RAI14: variants seen among roughly 807,000 people sequenced by gnomAD.
RAI14 encodes the protein retinoic acid induced 14, also known as ankycorbin.
In RAI14, 45 loss-of-function variants were observed where a neutral mutation model predicts 115.4. That is an observed-to-expected ratio of 0.39 (90% CI 0.31 to 0.50). The LOEUF (loss-of-function observed/expected upper bound fraction) is 0.50, where lower values mean the gene tolerates loss of function less well. Among genes scored for constraint, RAI14 ranks in the 20% least tolerant of loss-of-function variants. The probability of loss-of-function intolerance (pLI) is 0.85; values close to 1 mark genes in which losing one functional copy is unlikely to be tolerated. For missense variants in RAI14, 939 were observed against 1,131.2 expected, an observed-to-expected ratio of 0.83 and a Z score of 2.44; for synonymous variants, 371 against 415.4, an observed-to-expected ratio of 0.89 and a Z score of 1.30.
intron 1 of RAI14, among the ~76,000 whole-genome samples, chr5:34,685,485 C>T (rs1744766765): frequency 6.6e-6 from 1 of 151,702 alleles, no homozygotes; most frequent in African/African-American, 2.4e-5. Flanking sequence ...TAAAAGACAA[C>T]ATATTGGTTG....
chr5:34,807,400 G>A (rs1435859620), intron 5 of RAI14, among the ~76,000 whole-genome samples: 1 of 152,154 alleles, frequency 6.6e-6, no homozygotes, highest in Non-Finnish European at 1.5e-5. Flanking sequence ...CAGTGGTTTT[G>A]GGAGTGAATG....
At chr5:34,682,610 C>T (rs925050287) in intron 1 of RAI14, among the ~76,000 whole-genome samples, 1 of 152,108 alleles carries the variant, frequency 6.6e-6, no homozygotes, top group South Asian at 2.1e-4. Flanking sequence ...ACGTAACATC[C>T]ATTCTGTGAT....
intron 2 of RAI14, among the ~76,000 whole-genome samples, chr5:34,691,178 A>G (rs1335868558): frequency 6.6e-6 from 1 of 152,166 alleles, no homozygotes; most frequent in African/African-American, 2.4e-5. Context: ...AAGGTCAATC[A>G]GGGGAGACAG....
Position 34,762,836 on chromosome 5 carries a change from C to T in RAI14, c.167+5238C>T, listed in dbSNP as rs556406416. ...ATTAAAGTTATGTGTGTTTGTCTTA[C>T]GAACAACCAGACTAAATAAAATCAC... On this transcript the variant is annotated intron_variant, in intron 3 of 17. Coordinates refer to ENST00000265109, the MANE Select transcript of RAI14 (RefSeq NM_015577.3). Among the ~76,000 whole-genome samples the T allele has an allele frequency of 4.6e-5, 7 of 152,056 alleles. No homozygotes were observed. The East Asian group carries it at 9.7e-4, about 21-fold the overall frequency.
intron 5 of RAI14, among the ~76,000 whole-genome samples, chr5:34,807,461 T>C (rs1755053223): frequency 6.6e-6 from 1 of 151,752 alleles, no homozygotes; most frequent in African/African-American, 2.4e-5. Flanking sequence ...AGAAAGCTGG[T>C]TTCGTGAAGG....
intron 3 of RAI14, among the ~76,000 whole-genome samples, chr5:34,779,907 T>C (rs1275097255): frequency 2.6e-5 from 4 of 152,122 alleles, no homozygotes; most frequent in Non-Finnish European, 5.9e-5. Context: ...GAGCCTGCAT[T>C]GCCAAGTCAA....
Position 34,785,084 on chromosome 5 carries a change from CA to C in RAI14, c.168-10854del, listed in dbSNP as rs1580252335. Among the ~76,000 whole-genome samples the C allele has an allele frequency of 2.0e-5, 3 of 152,162 alleles. No homozygotes were observed. The East Asian group carries it at 5.8e-4, about 29-fold the overall frequency. ...CTTAATAACAAAGACTGGAGAATTT[CA>C]GGGGGAAAATGTTGGAGCTATGTGT... On this transcript the variant is annotated intron_variant, in intron 3 of 17. Coordinates refer to ENST00000265109, the MANE Select transcript of RAI14 (RefSeq NM_015577.3).
intron 2 of RAI14, among the ~76,000 whole-genome samples, chr5:34,723,946 G>A (rs1743128800): frequency 6.6e-6 from 1 of 152,106 alleles, no homozygotes; most frequent in East Asian, 1.9e-4. Flanking sequence ...TTGCCTTGGT[G>A]TGACTTTTTG....
intron 3 of RAI14, among the ~76,000 whole-genome samples, chr5:34,768,173 G>A (rs1465415543): frequency 6.8e-6 from 1 of 146,698 alleles, no homozygotes; most frequent in African/African-American, 2.5e-5. Flanking sequence ...GCATCAGTGT[G>A]ACTTGGATGT....
At chr5:34,774,595 T>C (rs972654668) in intron 3 of RAI14, among the ~76,000 whole-genome samples, 2 of 151,932 alleles carry the variant, frequency 1.3e-5, no homozygotes, top group Non-Finnish European at 2.9e-5. Context: ...TATAAAACAT[T>C]GATTAAAGAA....
chr5:34,656,424 C>A lies in RAI14; in HGVS notation c.-100C>A, dbSNP rs1047920052. ...CGCGTTTTCCTGGGGAAGCGGCGGG[C>A]GGGGTGGAGCAGCCAGCTGGGTCCG... On this transcript the variant is annotated 5_prime_UTR_variant, in exon 1 of 18. Transcript: ENST00000265109. 1.3e-5 allele frequency: 2 copies of A among 152,152 alleles called. No homozygotes were observed. The highest frequency in any genetic ancestry group is 6.5e-5 in the Admixed American group (1 of 15,272). 9.4% of individuals were successfully genotyped at this position (152,152 alleles called of 1,614,324 possible). A position where few individuals can be genotyped will look rare whatever the true frequency, so the allele number is the denominator to read the frequency against.
chr5:34,753,469 G>T (rs749319357), intron 2 of RAI14, among the ~76,000 whole-genome samples: 6 of 152,060 alleles, frequency 3.9e-5, no homozygotes, highest in Non-Finnish European at 5.9e-5. Flanking sequence ...TTGGCTATGG[G>T]AATTTTGGTA....
intron 2 of RAI14, among the ~76,000 whole-genome samples, chr5:34,691,201 C>T (rs182855592): frequency 2.7e-4 from 41 of 152,074 alleles, no homozygotes; most frequent in Admixed American, 2.6e-3. Context: ...TGCAGCACAG[C>T]GGGTTAACTC....
chr5:34,790,185 T>C (rs1300054048), intron 3 of RAI14, among the ~76,000 whole-genome samples: 1 of 152,204 alleles, frequency 6.6e-6, no homozygotes, highest in East Asian at 1.9e-4. Context: ...GGTGGGGGAA[T>C]GAGACAAAAG....
At chr5:34,739,995 G>A (rs1745305887) in intron 2 of RAI14, among the ~76,000 whole-genome samples, 1 of 152,168 alleles carries the variant, frequency 6.6e-6, no homozygotes, top group Non-Finnish European at 1.5e-5. Flanking sequence ...AGAGGTTGCA[G>A]TGAGCTGAGG....
At chr5:34,763,410 T>C (rs1290475845) in intron 3 of RAI14, among the ~76,000 whole-genome samples, 3 of 152,238 alleles carry the variant, frequency 2.0e-5, no homozygotes, top group Non-Finnish European at 4.4e-5. Context: ...CTGAAGAATG[T>C]AATTGCTATA....
intron 2 of RAI14, among the ~76,000 whole-genome samples, chr5:34,709,570 T>C (rs1017724565): frequency 6.6e-6 from 1 of 152,250 alleles, no homozygotes; most frequent in African/African-American, 2.4e-5. Flanking sequence ...CCCCTCTCTG[T>C]TGACATTTGG....
intron 3 of RAI14, among the ~76,000 whole-genome samples, chr5:34,785,264 C>T (rs1189622712): frequency 6.6e-6 from 1 of 152,088 alleles, no homozygotes; most frequent in African/African-American, 2.4e-5. Context: ...AAATGATATC[C>T]TAAACCTTGG....
Position 34,678,188 on chromosome 5 carries a change from C to T in RAI14, c.-48-8684C>T, listed in dbSNP as rs144731984. On this transcript the variant is annotated intron_variant, in intron 1 of 17. Transcript: ENST00000265109. ...TCTTGGCTCACCGCAACCTCCACTT[C>T]CCAGGTTTAAGCAATCCTCATGCCT... is the stretch of plus-strand genomic sequence containing the variant. Among the ~76,000 whole-genome samples, 288 of 152,100 alleles carry T rather than the reference C, an allele frequency of 1.9e-3. 1 individual carries two copies. Among genetic ancestry groups the T allele is most frequent in the African/African-American group, 6.6e-3 (272 of 41,514 alleles).
Sources: gnomAD v4.1 joint callset for allele counts (sites outside exome capture counted in the v4.1 genomes callset) on GRCh38, gnomAD v4.1.1 for gene constraint, MANE v1.5 for transcripts, NCBI Gene and HGNC (gene_info 2026-07-23, HGNC 2026-07-21) for gene names.